The following SLC9B1 variants were observed in gnomAD, a reference collection of about 807,000 sequenced individuals.
SLC9B1 encodes the protein sodium/hydrogen exchanger 9B1.
SLC9B1 carries 32 observed loss-of-function variants against 51.7 expected under a neutral mutation model. The observed-to-expected ratio is 0.62, with a 90% CI of 0.47 to 0.83. The LOEUF is 0.83. Ranked by LOEUF, SLC9B1 falls within the 40% of genes least tolerant of loss-of-function variation. The pLI, the probability that SLC9B1 is intolerant of heterozygous loss-of-function variation, is 0.00. For missense variants in SLC9B1, 406 were observed against 613.2 expected (o/e 0.66, Z 3.57); for synonymous variants, 145 against 212.7 (o/e 0.68, Z 2.77).
chr4:102,979,382 A>G (rs984281316), intron 3 of SLC9B1, among the ~76,000 whole-genome samples: 1 of 152,148 alleles, frequency 6.6e-6, no homozygotes, highest in African/African-American at 2.4e-5. Flanking sequence ...TATTCTCAGT[A>G]GTAAACACAT....
intron 11 of SLC9B1, chr4:102,889,652 C>G (rs1472720810): frequency 2.0e-5 from 3 of 152,176 alleles, no homozygotes; most frequent in Non-Finnish European, 4.4e-5. Context: ...GCCACATTTT[C>G]AGTTGTTAAA....
intron 3 of SLC9B1, among the ~76,000 whole-genome samples, chr4:102,988,341 C>A (rs1739767811): frequency 6.6e-6 from 1 of 152,098 alleles, no homozygotes; most frequent in South Asian, 2.1e-4. Flanking sequence ...AGACTGATTT[C>A]TGTGTGCATT....
chr4:102,930,392 A>G (rs1736389491), intron 7 of SLC9B1, among the ~76,000 whole-genome samples: 1 of 152,224 alleles, frequency 6.6e-6, no homozygotes. Flanking sequence ...ATATTTCTCT[A>G]TATGTTCAAT....
intron 3 of SLC9B1, among the ~76,000 whole-genome samples, chr4:102,974,403 A>G (rs1279929746): frequency 1.3e-5 from 2 of 151,956 alleles, no homozygotes; most frequent in Non-Finnish European, 2.9e-5. Flanking sequence ...GAATAATAAA[A>G]TAGACACACT....
intron 7 of SLC9B1, among the ~76,000 whole-genome samples, chr4:102,915,658 C>G (rs1459677217): frequency 6.6e-6 from 1 of 152,200 alleles, no homozygotes; most frequent in Non-Finnish European, 1.5e-5. Context: ...GCTGGGACTA[C>G]AGGTGTAAGA....
chr4:103,010,149 T>C (rs724447), intron 1 of SLC9B1, among the ~76,000 whole-genome samples: 87,347 of 151,972 alleles, frequency 0.57, 26,379 homozygotes, highest in African/African-American at 0.77. Flanking sequence ...TCATTTTGTA[T>C]GCTGTAACAG....
rs543548412 is a variant in SLC9B1, at chr4:102,936,603, A to G, written c.654-4304T>C. Among the ~76,000 whole-genome samples, 53 of 152,358 alleles carry G rather than the reference A, an allele frequency of 3.5e-4. 1 individual carries two copies. The South Asian group carries it at 9.1e-3, about 26-fold the overall frequency. On this transcript the variant is annotated intron_variant, in intron 6 of 11. Transcript: ENST00000296422. ...CTGAAAAATGCGCCTCAAGAATTTC[A>G]TAATACAATAACAAGTACTAACAGC... is the stretch of plus-strand genomic sequence containing the variant.
chr4:102,925,425 A>G (rs1051530258), intron 7 of SLC9B1, among the ~76,000 whole-genome samples: 1 of 152,062 alleles, frequency 6.6e-6, no homozygotes, highest in Non-Finnish European at 1.5e-5. Flanking sequence ...GAGGGAGGGG[A>G]TAGCATTAGG....
intron 1 of SLC9B1, among the ~76,000 whole-genome samples, chr4:103,014,170 C>T (rs192230351): frequency 5.3e-5 from 8 of 152,264 alleles, no homozygotes; most frequent in African/African-American, 1.7e-4. Context: ...AAACTTTAGC[C>T]ATACTAAATT....
chr4:102,913,583 G>A (rs1235996647), intron 7 of SLC9B1, among the ~76,000 whole-genome samples: 1 of 151,730 alleles, frequency 6.6e-6, no homozygotes, highest in Admixed American at 6.6e-5. Flanking sequence ...AAAATAACAG[G>A]CATAAGAAGA....
intron 3 of SLC9B1, among the ~76,000 whole-genome samples, chr4:102,964,696 A>G (rs1738329950): frequency 1.3e-5 from 2 of 152,190 alleles, no homozygotes; most frequent in Non-Finnish European, 2.9e-5. Flanking sequence ...GGACAAAACC[A>G]TATGATCACC....
At chr4:102,947,679 T>C (rs1578370988) in intron 4 of SLC9B1, among the ~76,000 whole-genome samples, 2 of 152,358 alleles carry the variant, frequency 1.3e-5, no homozygotes, top group South Asian at 4.1e-4. Context: ...TAGATATATT[T>C]GAATACAGTA....
chr4:102,906,709 TC>T, intron 9 of SLC9B1, 65 bp from the exon 10 acceptor site: 1 of 996,356 alleles, frequency 1.0e-6, no homozygotes, highest in Non-Finnish European at 1.4e-6. Context: ...AAACTTAAAG[TC>T]TTCCCCCCCC....
chr4:102,971,743 A>C, intron 3 of SLC9B1, among the ~76,000 whole-genome samples: 1 of 152,222 alleles, frequency 6.6e-6, no homozygotes, highest in Non-Finnish European at 1.5e-5. Context: ...GACCACTAGC[A>C]AAACTAATAA....
At chr4:103,013,567 T>C (rs1741183839) in intron 1 of SLC9B1, among the ~76,000 whole-genome samples, 1 of 152,220 alleles carries the variant, frequency 6.6e-6, no homozygotes, top group Non-Finnish European at 1.5e-5. Flanking sequence ...GAATTTGAAC[T>C]AGAAAAGCTC....
chr4:102,933,773 C>T (rs961797228), intron 6 of SLC9B1, among the ~76,000 whole-genome samples: 1 of 151,982 alleles, frequency 6.6e-6, no homozygotes, highest in African/African-American at 2.4e-5. Context: ...ATTAAAAACA[C>T]AAAATATCTA....
At chr4:102,944,798 T>C (rs533204379) in intron 6 of SLC9B1, among the ~76,000 whole-genome samples, 16 of 152,376 alleles carry the variant, frequency 1.1e-4, no homozygotes, top group African/African-American at 3.8e-4. Context: ...AGTTTATATT[T>C]ATACACCTAT....
At chr4:102,998,950 C>G (rs560665762) in intron 1 of SLC9B1, among the ~76,000 whole-genome samples, 19 of 152,234 alleles carry the variant, frequency 1.2e-4, no homozygotes, top group African/African-American at 4.6e-4. Context: ...GCCTTGAACT[C>G]CTGGGCTCAA....
At chr4:102,983,276 C>T (rs974829338) in intron 3 of SLC9B1, among the ~76,000 whole-genome samples, 66 of 152,162 alleles carry the variant, frequency 4.3e-4, no homozygotes, top group African/African-American at 1.4e-3. Context: ...TTTTTATATG[C>T]TGTTTAATTC....
Sources: gnomAD v4.1 joint callset for allele counts (sites outside exome capture counted in the v4.1 genomes callset) on GRCh38, gnomAD v4.1.1 for gene constraint, MANE v1.5 for transcripts, NCBI Gene and HGNC (gene_info 2026-07-23, HGNC 2026-07-21) for gene names.